Variants in KCNQ3 observed in about 807,000 individuals in gnomAD.
The protein encoded by KCNQ3 is potassium voltage-gated channel subfamily KQT member 3.
KCNQ3 carries 30 observed loss-of-function variants against 92.5 expected under a neutral mutation model. That is an observed-to-expected ratio of 0.32 (90% CI 0.24 to 0.44). The LOEUF is 0.44. KCNQ3 is among the 20% of genes least tolerant of loss of function. The probability of loss-of-function intolerance (pLI) is 1.00; values close to 1 mark genes in which losing one functional copy is unlikely to be tolerated. For synonymous variants in KCNQ3, 450 were observed against 468.8 expected, an observed-to-expected ratio of 0.96 and a Z score of 0.52; for missense variants, 913 against 1,140.3, an observed-to-expected ratio of 0.80 and a Z score of 2.87.
At chr8:132,236,693 C>A (rs777387925) in intron 1 of KCNQ3, among the ~76,000 whole-genome samples, 24 of 152,116 alleles carry the variant, frequency 1.6e-4, no homozygotes, top group Non-Finnish European at 5.9e-5. Context: ...GACTGTGTTT[C>A]CTTAGATGGC....
At chr8:132,466,970 G>A (rs1822186809) in intron 1 of KCNQ3, among the ~76,000 whole-genome samples, 1 of 152,180 alleles carries the variant, frequency 6.6e-6, no homozygotes, top group African/African-American at 2.4e-5. Flanking sequence ...CTGGCTCAGT[G>A]TCGGCTTCTG....
At chr8:132,445,756 C>T (rs1442849524) in intron 1 of KCNQ3, among the ~76,000 whole-genome samples, 1 of 144,178 alleles carries the variant, frequency 6.9e-6, no homozygotes, top group Non-Finnish European at 1.5e-5. Flanking sequence ...ATACAGAATC[C>T]TATTCAAGTC....
In KCNQ3 at chr8:132,303,608, A is replaced by G. The variant is rs1311584733; in HGVS notation, c.387-117427T>C. 8.8e-3 allele frequency among the ~76,000 whole-genome samples: 84 copies of G among 9,572 alleles called. 10 individuals are homozygous for G. The East Asian group carries it at 0.14, about 15-fold the overall frequency. The allele number at this position is 9,572 out of a possible 152,430, so 6.3% of individuals were successfully genotyped here. On this transcript the variant is annotated intron_variant, in intron 1 of 14. Transcript: ENST00000388996. The stretch of plus-strand genomic sequence containing the variant: ...GTGTGTGTATATATATATGGTGTGT[A>G]TATATATATATATATATATATATGG...
chr8:132,446,021 T>C (rs1302946415), intron 1 of KCNQ3, among the ~76,000 whole-genome samples: 2 of 152,210 alleles, frequency 1.3e-5, no homozygotes, highest in South Asian at 2.1e-4. Flanking sequence ...GTGTGCTCCA[T>C]GGGCATTTGC....
At chr8:132,258,647 TAATGACTAC>T (rs1428244466) in intron 1 of KCNQ3, among the ~76,000 whole-genome samples, 3 of 151,654 alleles carry the variant, frequency 2.0e-5, no homozygotes, top group African/African-American at 7.3e-5. Context: ...AGAAGGAAAA[TAATGACTAC>T]AGCAGAAATA....
intron 1 of KCNQ3, among the ~76,000 whole-genome samples, chr8:132,345,915 GTAA>G (rs1403858802): frequency 1.3e-5 from 2 of 151,310 alleles, no homozygotes; most frequent in South Asian, 2.1e-4. Flanking sequence ...TGACTTAATG[GTAA>G]TAACGTGATG....
At chr8:132,293,499 A>G (rs1283632526) in intron 1 of KCNQ3, among the ~76,000 whole-genome samples, 1 of 149,760 alleles carries the variant, frequency 6.7e-6, no homozygotes. Context: ...TTGTTGTGCT[A>G]TCAGAGCAGA....
intron 1 of KCNQ3, among the ~76,000 whole-genome samples, chr8:132,457,354 G>A (rs1821965186): frequency 6.6e-6 from 1 of 152,150 alleles, no homozygotes. Context: ...TCTTGCCTAA[G>A]GTAACACAGT....
intron 1 of KCNQ3, among the ~76,000 whole-genome samples, chr8:132,227,112 G>A (rs1385399588): frequency 1.3e-5 from 2 of 148,378 alleles, no homozygotes; most frequent in Non-Finnish European, 3.0e-5. Flanking sequence ...CCAGGCTGGA[G>A]TGCTGTGGCG....
At chr8:132,424,764 T>G (rs1308358027) in intron 1 of KCNQ3, among the ~76,000 whole-genome samples, 2 of 152,196 alleles carry the variant, frequency 1.3e-5, no homozygotes, top group African/African-American at 4.8e-5. Flanking sequence ...TCTGGTGACA[T>G]CAGGTGTTCC....
chr8:132,367,290 C>T (rs1288297924), intron 1 of KCNQ3, among the ~76,000 whole-genome samples: 3 of 152,164 alleles, frequency 2.0e-5, no homozygotes, highest in African/African-American at 7.2e-5. Flanking sequence ...ATGAGACCTT[C>T]CTTTTGTTTA....
In KCNQ3 at chr8:132,481,032, C is replaced by G. The variant is rs560547593; in HGVS notation, c.-500G>C. On this transcript the variant is annotated 5_prime_UTR_variant, in exon 1 of 15. Transcript: ENST00000388996. ...GCGCTCCCACCCGCGCCCCTCCCCG[C>G]CCGTTCCAGCCTCAGCCTGTCAGCA... The G allele has an allele frequency of 1.6e-4, 24 of 153,232 alleles. No homozygotes were observed. Among genetic ancestry groups the G allele is most frequent in the Admixed American group, 8.5e-4 (13 of 15,236 alleles). 9.5% of individuals were successfully genotyped at this position (153,232 alleles called of 1,614,324 possible). A position where few individuals can be genotyped will look rare whatever the true frequency, so the allele number is the denominator to read the frequency against.
At chr8:132,406,460 C>T (rs1259344139) in intron 1 of KCNQ3, among the ~76,000 whole-genome samples, 1 of 152,060 alleles carries the variant, frequency 6.6e-6, no homozygotes, top group East Asian at 1.9e-4. Context: ...TTGGTTCTGC[C>T]TTCTTTGTCA....
chr8:132,315,626 T>C (rs975091053), intron 1 of KCNQ3, among the ~76,000 whole-genome samples: 5 of 152,204 alleles, frequency 3.3e-5, no homozygotes, highest in Non-Finnish European at 4.4e-5. Flanking sequence ...CTTCTATAAG[T>C]AGTTTCTTCA....
At chr8:132,468,743 C>T (rs561205866) in intron 1 of KCNQ3, among the ~76,000 whole-genome samples, 6 of 152,266 alleles carry the variant, frequency 3.9e-5, no homozygotes, top group East Asian at 1.9e-4. Flanking sequence ...TAAAAAGGAG[C>T]GCATGGAGAG....
Position 132,129,899 on chromosome 8 carries a change from T to C in KCNQ3, c.1982A>G (p.Lys661Arg). The stretch of plus-strand genomic sequence containing the variant: ...TGCTTCAGCTGGCGAGGAGGTGCCC[T>C]TGGTTGGGTAATACTCCGTGACCTG... ...QVQVTEYYPT[K>R]GTSSPAEAEK... Residue 661 changes from lysine to arginine, a missense_variant, in exon 15 of 15, where the codon AAG becomes AGG. This residue lies in a region of KCNQ3 where 375 missense variants were observed against 376.4 expected (regional missense o/e 1.00). Coordinates refer to ENST00000388996, the MANE Select transcript of KCNQ3 (RefSeq NM_004519.4). The surrounding 1 kb of genome is among the most constrained non-coding windows in gnomAD (Gnocchi z 5.9). The C allele has an allele frequency of 6.2e-7, 1 of 1,614,078 alleles. No individual in the cohort carries two copies.
At chr8:132,289,818 T>G (rs1816790775) in intron 1 of KCNQ3, among the ~76,000 whole-genome samples, 1 of 152,220 alleles carries the variant, frequency 6.6e-6, no homozygotes. Context: ...CTCTTTTTTA[T>G]ATTACAGACT....
chr8:132,260,052 A>G (rs1815726468), intron 1 of KCNQ3, among the ~76,000 whole-genome samples: 1 of 152,194 alleles, frequency 6.6e-6, no homozygotes, highest in African/African-American at 2.4e-5. Context: ...AAGATTTAGC[A>G]TTGTTAAGAT....
intron 1 of KCNQ3, among the ~76,000 whole-genome samples, chr8:132,213,271 C>T (rs554286774): frequency 4.6e-5 from 7 of 152,310 alleles, no homozygotes; most frequent in African/African-American, 1.7e-4. Context: ...TGTCATCTGA[C>T]AGTTTGATAG....
Sources: allele counts gnomAD v4.1 joint callset (sites outside exome capture counted in the v4.1 genomes callset), GRCh38; gene constraint gnomAD v4.1.1; regional missense constraint gnomAD v4.1.1; non-coding constraint Gnocchi (gnomAD v3.1); transcripts MANE v1.5; gene names NCBI Gene and HGNC (gene_info 2026-07-23, HGNC 2026-07-21).